CNGB3: variants seen among roughly 807,000 people sequenced by gnomAD.
CNGB3 encodes the protein cyclic nucleotide gated channel subunit beta 3.
Under a neutral mutation model 92.8 loss-of-function variants are expected in CNGB3, and 86 were observed. The ratio of observed to expected loss-of-function variants is 0.93; its 90% CI spans 0.78 to 1.11. The LOEUF (loss-of-function observed/expected upper bound fraction) is 1.11. Among genes scored for constraint, CNGB3 ranks in the 50% least tolerant of loss-of-function variants. The pLI is 0.00. For missense variants in CNGB3, 1,026 were observed against 956.8 expected (o/e 1.07, Z -0.95); for synonymous variants, 333 against 332.7 (o/e 1.00, Z -0.01).
Position 86,646,186 on chromosome 8 carries a change from T to C in CNGB3, c.991-1500A>G, listed in dbSNP as rs146014872. Among the ~76,000 whole-genome samples the C allele has an allele frequency of 1.0e-3, 157 of 151,296 alleles. 2 individuals are homozygous for C. In the East Asian group the frequency reaches 0.017, roughly 16 times the overall value. Reference sequence around the variant, plus strand: ...AAGCAGGTACCTTCTGAAATTTCCATGTGAGACTGAAAATTTGATAAGGGA... The same window carrying C: ...AAGCAGGTACCTTCTGAAATTTCCACGTGAGACTGAAAATTTGATAAGGGA... On this transcript the variant is annotated intron_variant, in intron 8 of 17. Coordinates refer to ENST00000320005, the MANE Select transcript of CNGB3 (RefSeq NM_019098.5).
chr8:86,635,861 T>C (rs10094514), intron 10 of CNGB3, among the ~76,000 whole-genome samples: 13,083 of 65,832 alleles, frequency 0.2, 1,186 homozygotes, highest in Middle Eastern at 0.36. Flanking sequence ...TATATATATA[T>C]ATACACATAC....
chr8:86,731,429 A>G (rs1386815020), intron 2 of CNGB3, among the ~76,000 whole-genome samples: 1 of 152,194 alleles, frequency 6.6e-6, no homozygotes, highest in Non-Finnish European at 1.5e-5. Context: ...TTTAGGATAC[A>G]TCATCACAAG....
intron 13 of CNGB3, among the ~76,000 whole-genome samples, chr8:86,617,509 T>C (rs1372466607): frequency 1.3e-5 from 2 of 152,214 alleles, no homozygotes; most frequent in African/African-American, 4.8e-5. Context: ...CAGTTCTTCA[T>C]GCCATTGACT....
At chr8:86,648,869 T>C (rs1178134346) in intron 7 of CNGB3, among the ~76,000 whole-genome samples, 1 of 151,410 alleles carries the variant, frequency 6.6e-6, no homozygotes, top group East Asian at 1.9e-4. Flanking sequence ...AAAATATCAC[T>C]GTTCGCTGAT....
In CNGB3 at chr8:86,668,510, T is replaced by C. The variant is rs1228643750; in HGVS notation, c.494-342A>G. ...AAAAATCCAAAAAACTTGAATTTCT[T>C]AAAGTCGGAACGTTTATGAATCTTC... On this transcript the variant is annotated intron_variant, in intron 4 of 17. Coordinates refer to ENST00000320005, the MANE Select transcript of CNGB3 (RefSeq NM_019098.5). Among the ~76,000 whole-genome samples the C allele has an allele frequency of 5.9e-5, 9 of 152,284 alleles. No individual in the cohort carries two copies. In the South Asian group the frequency reaches 8.3e-4, roughly 14 times the overall value.
intron 13 of CNGB3, among the ~76,000 whole-genome samples, chr8:86,614,695 G>T (rs1822583294): frequency 6.6e-6 from 1 of 152,144 alleles, no homozygotes; most frequent in African/African-American, 2.4e-5. Context: ...TCAGACGAAA[G>T]CCACAACGGC....
At chr8:86,660,588 T>C in intron 6 of CNGB3, 1 of 534,202 alleles carries the variant, frequency 1.9e-6, no homozygotes, top group Non-Finnish European at 3.8e-6. Flanking sequence ...TTATATTGAT[T>C]CTTATTAGCT....
At chr8:86,695,268 G>A (rs562551318) in intron 3 of CNGB3, among the ~76,000 whole-genome samples, 31 of 152,226 alleles carry the variant, frequency 2.0e-4, no homozygotes, top group Non-Finnish European at 4.1e-4. Context: ...CTTCGGCTCG[G>A]CATCAGAGGG....
At chr8:86,661,088 G>A (rs1220467773) in intron 6 of CNGB3, 1 of 221,620 alleles carries the variant, frequency 4.5e-6, no homozygotes, top group Non-Finnish European at 9.0e-6. Context: ...TCCCCCATAT[G>A]AGTCAGTAAA....
intron 13 of CNGB3, among the ~76,000 whole-genome samples, chr8:86,614,569 T>C (rs1186964324): frequency 6.6e-6 from 1 of 152,168 alleles, no homozygotes; most frequent in African/African-American, 2.4e-5. Context: ...TTCATGGGTT[T>C]TGTTGTGCTG....
At chr8:86,587,512 A>G (rs1222756253) in intron 15 of CNGB3, among the ~76,000 whole-genome samples, 4 of 151,618 alleles carry the variant, frequency 2.6e-5, no homozygotes, top group East Asian at 1.9e-4. Flanking sequence ...ATTGATTTTT[A>G]TATAAGGTGT....
intron 4 of CNGB3, among the ~76,000 whole-genome samples, chr8:86,670,652 A>C (rs967349029): frequency 3.9e-5 from 6 of 152,060 alleles, no homozygotes; most frequent in Non-Finnish European, 5.9e-5. Flanking sequence ...AGGCTCAAGC[A>C]ATCCTCCTGT....
chr8:86,598,009 AT>A (rs1410574541), intron 15 of CNGB3, among the ~76,000 whole-genome samples: 1 of 149,794 alleles, frequency 6.7e-6, no homozygotes, highest in East Asian at 1.9e-4. Flanking sequence ...ATAAAATAAA[AT>A]TAAAATAAAA....
chr8:86,608,010 G>A lies in CNGB3; in HGVS notation c.1662+3578C>T, dbSNP rs756559771. On this transcript the variant is annotated intron_variant, in intron 14 of 17. Transcript: ENST00000320005. ...AAGAAATGTGACTTGTCATTCTAGC[G>A]TCTCCTTGTTTCTACTCTCCTGTGG... is the stretch of plus-strand genomic sequence containing the variant. 9.2e-5 allele frequency among the ~76,000 whole-genome samples: 14 copies of A among 152,064 alleles called. No homozygotes were observed. In the South Asian group the frequency reaches 1.0e-3, roughly 11 times the overall value.
chr8:86,623,871 A>G (rs2131578667), intron 13 of CNGB3, among the ~76,000 whole-genome samples: 1 of 152,298 alleles, frequency 6.6e-6, no homozygotes, highest in African/African-American at 2.4e-5. Context: ...AGGAAAAACT[A>G]TGGGCTTTTT....
intron 13 of CNGB3, 31 bp from the exon 14 acceptor site, chr8:86,611,702 A>C: frequency 6.8e-7 from 1 of 1,475,118 alleles, no homozygotes; most frequent in Non-Finnish European, 9.5e-7. Flanking sequence ...TTCTTATAGA[A>C]ACAACTAAAG....
intron 8 of CNGB3, 31 bp downstream of exon 8, chr8:86,647,770 G>C (rs1338848623): frequency 9.2e-7 from 1 of 1,085,450 alleles, no homozygotes; most frequent in African/African-American, 1.6e-5. Context: ...TCCATTATAA[G>C]GGAAAAGACA....
Position 86,579,117 on chromosome 8 carries a change from C to G in CNGB3, c.1917G>C (p.Met639Ile). ...TTTAAAGGTTGTACCTGGCTTTCTT[C>G]ATGAGGATCCTTTCAGAATCTGGAT... ...VHYPDSERIL[M>I]KKARVLLKQK... The change falls in exon 16 of 18, where the codon ATG becomes ATC. Residue 639 changes from methionine to isoleucine, a missense_variant. Physicochemically the swap from Met to Ile is conservative, Grantham distance 10. Coordinates refer to ENST00000320005, the MANE Select transcript of CNGB3 (RefSeq NM_019098.5). The G allele has an allele frequency of 6.2e-7, 1 of 1,614,186 alleles. No individual in the cohort carries two copies. Among genetic ancestry groups the G allele is most frequent in the South Asian group, 1.1e-5 (1 of 91,084 alleles).
At chr8:86,733,041 A>AT (rs1825185163) in intron 2 of CNGB3, among the ~76,000 whole-genome samples, 1 of 151,620 alleles carries the variant, frequency 6.6e-6, no homozygotes, top group Non-Finnish European at 1.5e-5. Context: ...TTATTATTTT[A>AT]TTTTTTATAT....
Sources: gnomAD v4.1 joint callset for allele counts (sites outside exome capture counted in the v4.1 genomes callset) on GRCh38, gnomAD v4.1.1 for gene constraint, MANE v1.5 for transcripts, NCBI Gene and HGNC (gene_info 2026-07-23, HGNC 2026-07-21) for gene names.